Variants in ADAM12 observed in about 807,000 individuals in gnomAD.
ADAM12 encodes the protein disintegrin and metalloproteinase domain-containing protein 12.
Under a neutral mutation model 106.4 loss-of-function variants are expected in ADAM12, and 70 were observed. The ratio of observed to expected loss-of-function variants is 0.66; its 90% confidence interval spans 0.54 to 0.80. The LOEUF is 0.80. Ranked by LOEUF, ADAM12 falls within the 30% of genes least tolerant of loss-of-function variation. The probability of loss-of-function intolerance (pLI) is 0.00; values close to 1 mark genes in which losing one functional copy is unlikely to be tolerated. For synonymous variants in ADAM12, 420 were observed against 433.5 expected (o/e 0.97, Z 0.39); for missense variants, 1,010 against 1,171.9 (o/e 0.86, Z 2.02).
chr10:126,264,166 T>C (rs1422829611), intron 3 of ADAM12, among the ~76,000 whole-genome samples: 1 of 152,224 alleles, frequency 6.6e-6, no homozygotes, highest in Non-Finnish European at 1.5e-5. Context: ...AAACCACATG[T>C]AAAAACCATT....
intron 1 of ADAM12, among the ~76,000 whole-genome samples, chr10:126,332,183 A>G (rs1053451733): frequency 2.0e-5 from 3 of 152,042 alleles, no homozygotes; most frequent in African/African-American, 4.8e-5. Context: ...GGTGACAGGC[A>G]CTCTTGTCAG....
At chr10:126,143,390 ATGTT>A (rs141415448) in intron 4 of ADAM12, among the ~76,000 whole-genome samples, 48,047 of 145,076 alleles carry the variant, frequency 0.33, 8,026 homozygotes, top group Non-Finnish European at 0.38. Context: ...GTGTGTGTAT[ATGTT>A]TGTATATGGT....
At chr10:126,196,716 AG>A (rs1957603149) in intron 3 of ADAM12, among the ~76,000 whole-genome samples, 1 of 152,218 alleles carries the variant, frequency 6.6e-6, no homozygotes, top group African/African-American at 2.4e-5. Flanking sequence ...GTGTAGTAAA[AG>A]TCATAGTTCA....
At chr10:126,113,244 G>A (rs990081737) in intron 6 of ADAM12, among the ~76,000 whole-genome samples, 4 of 152,176 alleles carry the variant, frequency 2.6e-5, no homozygotes, top group Non-Finnish European at 4.4e-5. Flanking sequence ...GGAGTCTGGC[G>A]AATGGCGGAC....
intron 11 of ADAM12, among the ~76,000 whole-genome samples, chr10:126,075,756 C>A (rs1955088705): frequency 6.6e-6 from 1 of 152,114 alleles, no homozygotes; most frequent in Middle Eastern, 3.2e-3. Flanking sequence ...AAACAGTCTG[C>A]TCTTCCTGCA....
At chr10:126,334,643 A>G (rs1227754910) in intron 1 of ADAM12, among the ~76,000 whole-genome samples, 1 of 152,128 alleles carries the variant, frequency 6.6e-6, no homozygotes, top group African/African-American at 2.4e-5. Flanking sequence ...AAACCTCTCA[A>G]AGTGACTCCA....
chr10:126,303,272 A>G (rs1052143726), intron 2 of ADAM12, among the ~76,000 whole-genome samples: 1 of 152,220 alleles, frequency 6.6e-6, no homozygotes, highest in Non-Finnish European at 1.5e-5. Context: ...TATATCACCA[A>G]TGTAACAACA....
chr10:126,177,065 C>T (rs1055922517), intron 3 of ADAM12, among the ~76,000 whole-genome samples: 1 of 152,142 alleles, frequency 6.6e-6, no homozygotes, highest in Admixed American at 6.5e-5. Flanking sequence ...CACGCACACA[C>T]ACACGGTTTC....
chr10:126,203,007 G>T (rs925945082), intron 3 of ADAM12, among the ~76,000 whole-genome samples: 1 of 152,224 alleles, frequency 6.6e-6, no homozygotes, highest in Non-Finnish European at 1.5e-5. Context: ...TGTGTACAAA[G>T]TTCCATACTG....
intron 11 of ADAM12, among the ~76,000 whole-genome samples, chr10:126,086,680 A>AAATATATATAT (rs1554966976): frequency 4.1e-5 from 1 of 24,274 alleles, no homozygotes; most frequent in Non-Finnish European, 5.9e-5. Context: ...AAAAAAAAAA[A>AAATATATATAT]ATATATATAT....
chr10:126,159,020 G>C (rs1956883233), intron 3 of ADAM12, among the ~76,000 whole-genome samples: 1 of 152,134 alleles, frequency 6.6e-6, no homozygotes, highest in African/African-American at 2.4e-5. Flanking sequence ...TCTTAAAAAA[G>C]AGCACACGGC....
chr10:126,023,995 G>T (rs1202161356), intron 21 of ADAM12, among the ~76,000 whole-genome samples: 1 of 151,580 alleles, frequency 6.6e-6, no homozygotes, highest in African/African-American at 2.4e-5. Context: ...AAAGACTTCA[G>T]ATTTGGGTAT....
intron 3 of ADAM12, among the ~76,000 whole-genome samples, chr10:126,259,277 C>T (rs1190315023): frequency 6.6e-6 from 1 of 152,006 alleles, no homozygotes; most frequent in Non-Finnish European, 1.5e-5. Context: ...AAATAAATAA[C>T]CTTCTTAGAT....
At chr10:126,104,894 C>T (rs992298034) in intron 8 of ADAM12, among the ~76,000 whole-genome samples, 12 of 152,198 alleles carry the variant, frequency 7.9e-5, no homozygotes, top group South Asian at 6.2e-4. Context: ...CTGGCACAGT[C>T]GTTGTTTTCT....
At chr10:126,334,179 C>T (rs964183495) in intron 1 of ADAM12, among the ~76,000 whole-genome samples, 2 of 152,092 alleles carry the variant, frequency 1.3e-5, no homozygotes, top group African/African-American at 4.8e-5. Context: ...ATGGAGTGAT[C>T]TTATTGATAA....
chr10:126,224,643 C>T (rs1054148971), intron 3 of ADAM12, among the ~76,000 whole-genome samples: 1 of 152,196 alleles, frequency 6.6e-6, no homozygotes. Context: ...AGTCTTTAGC[C>T]CGTGGCTTCA....
At chr10:126,196,164 T>A (rs923366460) in intron 3 of ADAM12, among the ~76,000 whole-genome samples, 2 of 152,266 alleles carry the variant, frequency 1.3e-5, no homozygotes, top group African/African-American at 4.8e-5. Flanking sequence ...ACCCTCATTC[T>A]AGGGGATGCT....
At chr10:126,224,629 C>T (rs1022039464) in intron 3 of ADAM12, among the ~76,000 whole-genome samples, 1 of 152,212 alleles carries the variant, frequency 6.6e-6, no homozygotes, top group African/African-American at 2.4e-5. Flanking sequence ...TCCCATAATA[C>T]TGCAGTCTTT....
chr10:126,143,157 C>G (rs752221717), intron 4 of ADAM12, among the ~76,000 whole-genome samples: 1 of 140,790 alleles, frequency 7.1e-6, no homozygotes, highest in African/African-American at 2.7e-5. Context: ...TATATATGCA[C>G]GTGTATATAT....
Sources: gnomAD v4.1 joint callset for allele counts (sites outside exome capture counted in the v4.1 genomes callset) on GRCh38, gnomAD v4.1.1 for gene constraint, MANE v1.5 for transcripts, NCBI Gene and HGNC (gene_info 2026-07-23, HGNC 2026-07-21) for gene names.